Variants in RPS6KA2 observed in about 807,000 individuals in gnomAD.
RPS6KA2 encodes ribosomal protein S6 kinase alpha-2.
RPS6KA2 carries 42 observed loss-of-function variants against 91.8 expected under a neutral mutation model. The ratio of observed to expected loss-of-function variants is 0.46; its 90% CI spans 0.36 to 0.59. RPS6KA2 has a LOEUF of 0.59. RPS6KA2 is among the 20% of genes least tolerant of loss of function. The pLI, the probability that RPS6KA2 is intolerant of heterozygous loss-of-function variation, is 0.00. For synonymous variants in RPS6KA2, 414 were observed against 393.6 expected, an observed-to-expected ratio of 1.05 and a Z score of -0.61; for missense variants, 798 against 978.5, an observed-to-expected ratio of 0.82 and a Z score of 2.46.
At position 166,666,774 on chromosome 6, in the gene RPS6KA2, C is replaced by G. The variant is rs1431299655; in HGVS notation, c.124-127990G>C. Among the ~76,000 whole-genome samples the G allele has an allele frequency of 6.6e-6, 1 of 152,108 alleles. No individual in the cohort carries two copies. The highest frequency in any genetic ancestry group is 1.5e-5 in the Non-Finnish European group (1 of 68,022). Reference sequence around the variant, plus strand: ...AGCAACTTTCACTTCTGAGTATATACCCAAAAAGAATGGAAAGCAGAGCCT... The same window carrying G: ...AGCAACTTTCACTTCTGAGTATATAGCCAAAAAGAATGGAAAGCAGAGCCT... On this transcript the variant is annotated intron_variant, in intron 2 of 21. Coordinates refer to the RPS6KA2 transcript ENST00000503859. The surrounding 1 kb of genome is among the most constrained non-coding windows in gnomAD (Gnocchi z 4.0).
At chr6:166,712,092 G>C (rs1296576725) in intron 2 of RPS6KA2, among the ~76,000 whole-genome samples, 1 of 152,230 alleles carries the variant, frequency 6.6e-6, no homozygotes, top group Non-Finnish European at 1.5e-5. Flanking sequence ...TGCCCACCCT[G>C]CTGGTGCAGC....
Position 166,498,112 on chromosome 6 carries a change from G to A in RPS6KA2, c.747+396C>T, listed in dbSNP as rs370452856. ...ACAGAGACAATTCACATTTCCAGAC[G>A]CTGATGCAAAAATGCCTAACTCCGT... On this transcript the variant is annotated intron_variant, in intron 8 of 20. Transcript: ENST00000265678. 4.6e-5 allele frequency among the ~76,000 whole-genome samples: 7 copies of A among 152,188 alleles called. No homozygotes were observed. The East Asian group carries it at 9.6e-4, about 21-fold the overall frequency.
chr6:166,483,859 C>T (rs1317051983), intron 10 of RPS6KA2, among the ~76,000 whole-genome samples: 1 of 152,262 alleles, frequency 6.6e-6, no homozygotes, highest in African/African-American at 2.4e-5. Context: ...CACAATTTTA[C>T]AGTCTTGTCA....
At chr6:166,519,852 A>C (rs1345578545) in intron 3 of RPS6KA2, among the ~76,000 whole-genome samples, 1 of 152,170 alleles carries the variant, frequency 6.6e-6, no homozygotes, top group African/African-American at 2.4e-5. Context: ...ATATTACATT[A>C]TGTAGTATAT....
Position 166,419,859 on chromosome 6 carries a change from A to T in RPS6KA2, c.1820+23T>A, listed in dbSNP as rs758706651. 1.9e-6 allele frequency: 3 copies of T among 1,605,666 alleles called. No homozygotes were observed. The South Asian group carries it at 3.3e-5, about 18-fold the overall frequency. On this transcript the variant is annotated intron_variant, in intron 18 of 20. Coordinates refer to ENST00000265678, the MANE Select transcript of RPS6KA2 (RefSeq NM_021135.6). This position sits in a 1 kb window ranked among gnomAD's most constrained non-coding sequence, Gnocchi z 5.6. ...CTGCTGCCCTGTGTCTCCTCCTGAC[A>T]CCTGTTTGAGGTGACTGCTTACCCT... is the stretch of plus-strand genomic sequence containing the variant.
intron 2 of RPS6KA2, among the ~76,000 whole-genome samples, chr6:166,721,998 T>C (rs1216955709): frequency 6.6e-6 from 1 of 152,198 alleles, no homozygotes; most frequent in African/African-American, 2.4e-5. Context: ...ATTAAAATAG[T>C]CCACTTTATT....
At chr6:166,699,018 A>G (rs894384941) in intron 2 of RPS6KA2, among the ~76,000 whole-genome samples, 3 of 152,218 alleles carry the variant, frequency 2.0e-5, no homozygotes, top group Admixed American at 6.5e-5. Context: ...GATGCCGAGT[A>G]GATAGCAGGC....
intron 2 of RPS6KA2, among the ~76,000 whole-genome samples, chr6:166,742,574 G>C (rs894674918): frequency 6.6e-5 from 10 of 152,108 alleles, no homozygotes; most frequent in Non-Finnish European, 1.0e-4. Flanking sequence ...CGGTGGCCAC[G>C]GGAGGGGAGG....
Position 166,849,475 on chromosome 6 carries a change from T to C in RPS6KA2, c.123+8725A>G, listed in dbSNP as rs1006283298. 1.3e-5 allele frequency among the ~76,000 whole-genome samples: 2 copies of C among 152,042 alleles called. No individual in the cohort carries two copies. Among genetic ancestry groups the C allele is most frequent in the Admixed American group, 6.6e-5 (1 of 15,266 alleles). On this transcript the variant is annotated intron_variant, in intron 2 of 21. Coordinates refer to the RPS6KA2 transcript ENST00000503859. The surrounding 1 kb of genome is among the most constrained non-coding windows in gnomAD (Gnocchi z 4.9). ...GACACACAGTTATCACTCCCCAGAC[T>C]TTGCCCGAAGAATAAAAGAAGAAGG...
chr6:166,807,497 C>G (rs1052519982), intron 2 of RPS6KA2, among the ~76,000 whole-genome samples: 7 of 152,254 alleles, frequency 4.6e-5, no homozygotes, highest in Middle Eastern at 6.8e-3. Context: ...CCATCTCTTC[C>G]TAACGCACAG....
rs1447236036 is a variant in RPS6KA2, at chr6:166,419,098, T to C, written c.1821-756A>G. Among the ~76,000 whole-genome samples, 1 of 152,228 alleles carries C rather than the reference T, an allele frequency of 6.6e-6. No homozygotes were observed. The highest frequency in any genetic ancestry group is 1.5e-5 in the Non-Finnish European group (1 of 68,034). Reference sequence around the variant, plus strand: ...CTCCTTCTGCTGTGGACACTACCTGTTGACTTATGATGAAATAAGTGAAAA... The same window carrying C: ...CTCCTTCTGCTGTGGACACTACCTGCTGACTTATGATGAAATAAGTGAAAA... On this transcript the variant is annotated intron_variant, in intron 18 of 20. Coordinates refer to ENST00000265678, the MANE Select transcript of RPS6KA2 (RefSeq NM_021135.6). This position sits in a 1 kb window ranked among gnomAD's most constrained non-coding sequence, Gnocchi z 5.6.
chr6:166,450,171 A>G (rs981459654), intron 13 of RPS6KA2, among the ~76,000 whole-genome samples: 1 of 143,630 alleles, frequency 7.0e-6, no homozygotes. Context: ...GGAGACCACC[A>G]TGGGGACCAC....
chr6:166,469,695 C>A (rs1038739462), intron 11 of RPS6KA2, 146 bp downstream of exon 11: 5 of 755,736 alleles, frequency 6.6e-6, no homozygotes, highest in South Asian at 5.8e-5. Context: ...GTCCTGGGGG[C>A]TCCCTGCCTG....
intron 2 of RPS6KA2, among the ~76,000 whole-genome samples, chr6:166,672,334 C>T (rs887569102): frequency 2.6e-5 from 4 of 152,070 alleles, no homozygotes; most frequent in East Asian, 1.9e-4. Context: ...GAAGGAAAGC[C>T]GGCAGATACT....
At chr6:166,482,628 CG>C (rs1221847854) in intron 10 of RPS6KA2, among the ~76,000 whole-genome samples, 1 of 152,182 alleles carries the variant, frequency 6.6e-6, no homozygotes, top group African/African-American at 2.4e-5. Context: ...CAGAAGGCTT[CG>C]GGCGATGATG....
Position 166,448,914 on chromosome 6 carries a change from C to T in RPS6KA2, c.1207-65G>A, listed in dbSNP as rs1034429436. 1.8e-5 allele frequency: 28 copies of T among 1,585,828 alleles called. No individual in the cohort carries two copies. The highest frequency in any genetic ancestry group is 1.1e-4 in the East Asian group (5 of 44,398). ...CACACGAGGGGACGGTGCAGCTACA[C>T]GCACACAGAATGTGGGGCGAAGAGA... On this transcript the variant is annotated intron_variant, in intron 13 of 20. Coordinates refer to ENST00000265678, the MANE Select transcript of RPS6KA2 (RefSeq NM_021135.6). This position sits in a 1 kb window ranked among gnomAD's most constrained non-coding sequence, Gnocchi z 4.7.
chr6:166,464,082 G>A (rs1267005537), intron 11 of RPS6KA2, among the ~76,000 whole-genome samples: 1 of 152,148 alleles, frequency 6.6e-6, no homozygotes, highest in Non-Finnish European at 1.5e-5. Context: ...GCATGGAGAC[G>A]CCTGTGCTGT....
rs1781739241 is a variant in RPS6KA2, at chr6:166,495,049, C to G, written c.747+3459G>C. 6.6e-6 allele frequency among the ~76,000 whole-genome samples: 1 copy of G among 152,216 alleles called. No individual in the cohort carries two copies. The highest frequency in any genetic ancestry group is 6.5e-5 in the Admixed American group (1 of 15,290). ...AAGCGTGGGGCCTCCACAGTCAAGA[C>G]CTTTGCCTGTGTGCAGCCAGTCACC... is the stretch of plus-strand genomic sequence containing the variant. On this transcript the variant is annotated intron_variant, in intron 8 of 20. Transcript: ENST00000265678. This position sits in a 1 kb window ranked among gnomAD's most constrained non-coding sequence, Gnocchi z 4.4.
At chr6:166,780,650 G>A (rs1010773842) in intron 2 of RPS6KA2, among the ~76,000 whole-genome samples, 1 of 152,174 alleles carries the variant, frequency 6.6e-6, no homozygotes, top group Non-Finnish European at 1.5e-5. Context: ...TTTAACCAAG[G>A]GGAGGGGTCA....
Sources: allele counts gnomAD v4.1 joint callset (sites outside exome capture counted in the v4.1 genomes callset), GRCh38; gene constraint gnomAD v4.1.1; non-coding constraint Gnocchi (gnomAD v3.1); transcripts MANE v1.5; gene names NCBI Gene and HGNC (gene_info 2026-07-23, HGNC 2026-07-21).